Variants in CSMD2 observed in about 807,000 individuals in gnomAD.
CSMD2 encodes the protein CUB and Sushi multiple domains 2, also known as CUB and sushi domain-containing protein 2.
CSMD2 carries 130 observed loss-of-function variants against 398.5 expected under a neutral mutation model. The observed-to-expected ratio is 0.33, with a 90% CI of 0.28 to 0.38. The LOEUF (loss-of-function observed/expected upper bound fraction) is 0.38. Ranked by LOEUF, CSMD2 falls within the 10% of genes least tolerant of loss-of-function variation. CSMD2 has a pLI of 1.00. For missense variants in CSMD2, 3,829 were observed against 4,764.9 expected (o/e 0.80, Z 5.78); for synonymous variants, 1,828 against 1,908.5 (o/e 0.96, Z 1.10).
intron 39 of CSMD2, among the ~76,000 whole-genome samples, chr1:33,616,533 C>T (rs916805834): frequency 6.6e-6 from 1 of 152,154 alleles, no homozygotes; most frequent in Non-Finnish European, 1.5e-5. Flanking sequence ...CCACTGCACC[C>T]GGCCAACCTC....
intron 3 of CSMD2, among the ~76,000 whole-genome samples, chr1:34,024,405 A>G (rs962924501): frequency 6.6e-6 from 1 of 152,244 alleles, no homozygotes; most frequent in African/African-American, 2.4e-5. Context: ...AGAGTTTGGC[A>G]TAATATCATC....
chr1:33,537,881 AC>A lies in CSMD2; in HGVS notation c.9632-273del, dbSNP rs1655958243. Among the ~76,000 whole-genome samples the A allele has an allele frequency of 6.6e-6, 1 of 152,204 alleles. No individual in the cohort carries two copies. The highest frequency in any genetic ancestry group is 2.1e-4 in the South Asian group (1 of 4,832). The stretch of plus-strand genomic sequence containing the variant: ...AGTTTAGAACATGAAAGAGAAATAA[AC>A]GAAAATCCCACTATTCAAAACTTTT... On this transcript the variant is annotated intron_variant, in intron 60 of 70. Transcript: ENST00000373381. The surrounding 1 kb of genome is among the most constrained non-coding windows in gnomAD (Gnocchi z 4.6).
chr1:33,748,622 C>T (rs1437793571), intron 13 of CSMD2, among the ~76,000 whole-genome samples: 1 of 151,948 alleles, frequency 6.6e-6, no homozygotes, highest in Non-Finnish European at 1.5e-5. Context: ...TTTCAGTAGT[C>T]CTTTATAGAG....
At chr1:33,758,904 T>A (rs950929371) in intron 13 of CSMD2, among the ~76,000 whole-genome samples, 3 of 152,196 alleles carry the variant, frequency 2.0e-5, no homozygotes, top group Non-Finnish European at 2.9e-5. Flanking sequence ...CTTCAGCCTG[T>A]GTCCCAGAAC....
Position 33,571,569 on chromosome 1 carries a change from G to A in CSMD2, c.7920C>T (p.Gly2640=). 2 of 1,530,540 alleles carry A rather than the reference G, an allele frequency of 1.3e-6. No homozygotes were observed. Among genetic ancestry groups the A allele is most frequent in the Non-Finnish European group, 1.8e-6 (2 of 1,125,452 alleles). The allele number at this position is 1,530,540 out of a possible 1,614,324, so 94.8% of individuals were successfully genotyped here. A position where few individuals can be genotyped will look rare whatever the true frequency, so the allele number is the denominator to read the frequency against. ...GQRVIRCQAN[G]KWSLGDSTPT... is the part of the protein sequence containing the mutation. ...GCGTAGAGTCCCCGAGGCTCCATTT[G>A]CCATTGGCCTGACAGCGGATGACCC... The change falls in exon 51 of 71, where the codon GGC becomes GGT. Residue 2640 remains glycine (G), a synonymous_variant. Coordinates refer to ENST00000373381, the MANE Select transcript of CSMD2 (RefSeq NM_001281956.2).
At chr1:33,682,368 C>T (rs535403766) in intron 25 of CSMD2, among the ~76,000 whole-genome samples, 4 of 152,302 alleles carry the variant, frequency 2.6e-5, no homozygotes, top group Non-Finnish European at 4.4e-5. Context: ...ACAGGTTCCA[C>T]GCATTGGAAC....
At chr1:33,981,399 C>G (rs1387887981) in intron 3 of CSMD2, among the ~76,000 whole-genome samples, 2 of 152,182 alleles carry the variant, frequency 1.3e-5, no homozygotes, top group East Asian at 3.9e-4. Flanking sequence ...CAATTTTCAT[C>G]CCCCTTTGGG....
chr1:33,897,898 C>T (rs370380207), intron 5 of CSMD2, among the ~76,000 whole-genome samples: 8 of 152,316 alleles, frequency 5.3e-5, no homozygotes, highest in East Asian at 1.9e-4. Flanking sequence ...TATTTCCCTC[C>T]CATTTTGCAG....
chr1:33,681,600 C>T (rs995358197), intron 25 of CSMD2, among the ~76,000 whole-genome samples: 1 of 152,126 alleles, frequency 6.6e-6, no homozygotes, highest in Non-Finnish European at 1.5e-5. Flanking sequence ...TCTCAGTTGG[C>T]TAAAAATTGT....
At chr1:33,561,706 G>A (rs1303855424) in intron 53 of CSMD2, among the ~76,000 whole-genome samples, 2 of 152,106 alleles carry the variant, frequency 1.3e-5, no homozygotes, top group Non-Finnish European at 2.9e-5. Flanking sequence ...GGAGAGAGTG[G>A]GTCAAAGAGG....
intron 3 of CSMD2, among the ~76,000 whole-genome samples, chr1:33,956,260 T>G (rs1645165744): frequency 6.6e-6 from 1 of 150,706 alleles, no homozygotes; most frequent in Non-Finnish European, 1.5e-5. Flanking sequence ...CCACTATCCA[T>G]CCACAAAACT....
intron 5 of CSMD2, among the ~76,000 whole-genome samples, chr1:33,908,079 C>A (rs1570466708): frequency 8.5e-6 from 1 of 116,986 alleles, no homozygotes; most frequent in Non-Finnish European, 1.7e-5. Context: ...GAGCAAGACT[C>A]CATCTCAAAA....
intron 12 of CSMD2, among the ~76,000 whole-genome samples, chr1:33,786,459 C>T (rs900346744): frequency 2.0e-5 from 3 of 152,326 alleles, no homozygotes; most frequent in South Asian, 2.1e-4. Flanking sequence ...TGCTGCTCCT[C>T]TCATAGCCCC....
At chr1:34,073,898 C>A (rs768153801) in intron 2 of CSMD2, among the ~76,000 whole-genome samples, 2 of 152,192 alleles carry the variant, frequency 1.3e-5, no homozygotes, top group Non-Finnish European at 2.9e-5. Flanking sequence ...CTGGCATTTG[C>A]CTGGCTCCTG....
intron 33 of CSMD2, 107 bp downstream of exon 33, chr1:33,626,379 C>T (rs1189643095): frequency 2.1e-5 from 15 of 716,028 alleles, no homozygotes; most frequent in Non-Finnish European, 3.1e-5. Context: ...CCCAAACACC[C>T]TGAGAAAGGG....
chr1:33,831,691 GC>G (rs1357006551), intron 6 of CSMD2, among the ~76,000 whole-genome samples: 1 of 152,100 alleles, frequency 6.6e-6, no homozygotes, highest in Non-Finnish European at 1.5e-5. Context: ...TGGACTAAAT[GC>G]TCCAATTAAA....
In CSMD2 at chr1:34,050,249, G is replaced by A. The variant is rs529501729; in HGVS notation, c.405-17543C>T. 3.9e-5 allele frequency among the ~76,000 whole-genome samples: 6 copies of A among 152,300 alleles called. No homozygotes were observed. The East Asian group carries it at 7.7e-4, about 20-fold the overall frequency. On this transcript the variant is annotated intron_variant, in intron 2 of 70. Transcript: ENST00000373381. ...CCCTGGTGGCAGTTAGATAACACTGGACTGCTTCCATTGTAGAAGGAGAAG... is the reference window on the plus strand; with the variant it reads ...CCCTGGTGGCAGTTAGATAACACTGAACTGCTTCCATTGTAGAAGGAGAAG...
rs3889480 is a variant in CSMD2 at position 33,516,169 on chromosome 1, C to T, written c.*455G>A. The T allele has an allele frequency of 0.15, 22,350 of 152,124 alleles. 2,143 individuals carry two copies. The highest frequency in any genetic ancestry group is 0.4 in the East Asian group (2,032 of 5,130). 9.4% of individuals were successfully genotyped at this position (152,124 alleles called of 1,614,324 possible). A position where few individuals can be genotyped will look rare whatever the true frequency, so the allele number is the denominator to read the frequency against. ...GGGGCATATTGTTTTGAAAGCTGAC[C>T]GTACCTCCCCCTCTTCATCTCTTCT... is the stretch of plus-strand genomic sequence containing the variant. On this transcript the variant is annotated 3_prime_UTR_variant, in exon 71 of 71. Transcript: ENST00000373381.
intron 5 of CSMD2, among the ~76,000 whole-genome samples, chr1:33,874,230 C>T (rs939492197): frequency 6.6e-6 from 1 of 152,190 alleles, no homozygotes; most frequent in African/African-American, 2.4e-5. Context: ...TGAATGCCTA[C>T]ATCATACCTG....
Sources: gnomAD v4.1 joint callset for allele counts (sites outside exome capture counted in the v4.1 genomes callset) on GRCh38, gnomAD v4.1.1 for gene constraint, Gnocchi (gnomAD v3.1) non-coding constraint, MANE v1.5 for transcripts, NCBI Gene and HGNC (gene_info 2026-07-23, HGNC 2026-07-21) for gene names.